CSMD3: variants seen among roughly 807,000 people sequenced by gnomAD.
The protein encoded by CSMD3 is CUB and sushi domain-containing protein 3.
In CSMD3, 177 loss-of-function variants were observed where a neutral mutation model predicts 435.2. The ratio of observed to expected loss-of-function variants is 0.41; its 90% CI spans 0.36 to 0.46. The LOEUF is 0.46. Among genes scored for constraint, CSMD3 ranks in the 20% least tolerant of loss-of-function variants. The pLI, the probability that CSMD3 is intolerant of heterozygous loss-of-function variation, is 0.34. For synonymous variants in CSMD3, 1,656 were observed against 1,520.5 expected (o/e 1.09, Z -2.07); for missense variants, 4,265 against 4,504.6 (o/e 0.95, Z 1.52).
At position 112,806,853 on chromosome 8, in the gene CSMD3, T is replaced by G. The variant is rs201378509; in HGVS notation, c.1860-6579A>C. 5.3e-5 allele frequency among the ~76,000 whole-genome samples: 8 copies of G among 152,354 alleles called. No individual in the cohort carries two copies. The East Asian group carries it at 1.5e-3, about 29-fold the overall frequency. On this transcript the variant is annotated intron_variant, in intron 12 of 70. Transcript: ENST00000297405. ...GAAAAAAGCCATTCTATGTTCTTCT[T>G]CTGTGCTCTCATAATGTGTAACCAT...
intron 1 of CSMD3, among the ~76,000 whole-genome samples, chr8:113,332,213 C>T (rs2094033117): frequency 6.6e-6 from 1 of 150,720 alleles, no homozygotes; most frequent in Non-Finnish European, 1.5e-5. Context: ...TACTTTACTG[C>T]TATAAAAATG....
At chr8:113,394,251 G>A (rs1345671341) in intron 1 of CSMD3, among the ~76,000 whole-genome samples, 1 of 151,730 alleles carries the variant, frequency 6.6e-6, no homozygotes, top group Non-Finnish European at 1.5e-5. Context: ...CAGGATTACT[G>A]TTTCCAGTAA....
At chr8:112,587,560 A>G (rs1563736390) in intron 22 of CSMD3, among the ~76,000 whole-genome samples, 1 of 151,846 alleles carries the variant, frequency 6.6e-6, no homozygotes, top group Non-Finnish European at 1.5e-5. Flanking sequence ...ATTTCTGATA[A>G]ATGTAATACA....
chr8:112,301,780 T>A lies in CSMD3; in HGVS notation c.8440+13A>T. The stretch of plus-strand genomic sequence containing the variant: ...AGGGGGAAGTTTGACAAAAACAAAT[T>A]AAAAATCTGTACCTAGGCATCTGGT... On this transcript the variant is annotated intron_variant, in intron 53 of 70. Coordinates refer to ENST00000297405, the MANE Select transcript of CSMD3 (RefSeq NM_198123.2). 1 of 1,611,036 alleles carries A rather than the reference T, an allele frequency of 6.2e-7. No homozygotes were observed. Among genetic ancestry groups the A allele is most frequent in the African/African-American group, 1.3e-5 (1 of 74,936 alleles).
At chr8:113,013,902 C>G (rs72683838) in intron 6 of CSMD3, among the ~76,000 whole-genome samples, 3,402 of 152,190 alleles carry the variant, frequency 0.022, 59 homozygotes, top group South Asian at 0.031. Flanking sequence ...AAATATTCAG[C>G]TAGTCACATG....
At chr8:112,330,104 T>C (rs1359185322) in intron 45 of CSMD3, among the ~76,000 whole-genome samples, 3 of 152,076 alleles carry the variant, frequency 2.0e-5, no homozygotes, top group Non-Finnish European at 4.4e-5. Context: ...TTAAAGGCAA[T>C]CGTGACTTAT....
chr8:112,309,478 C>A (rs1315342903), intron 50 of CSMD3, among the ~76,000 whole-genome samples: 1 of 151,610 alleles, frequency 6.6e-6, no homozygotes, highest in Non-Finnish European at 1.5e-5. Flanking sequence ...TCTTTTAATT[C>A]TATTATGAAA....
At chr8:113,330,558 T>C (rs1419939872) in intron 1 of CSMD3, among the ~76,000 whole-genome samples, 1 of 151,796 alleles carries the variant, frequency 6.6e-6, no homozygotes, top group Non-Finnish European at 1.5e-5. Flanking sequence ...ATATTTTAGG[T>C]ACAGAGGCAC....
At chr8:112,662,205 A>G (rs2075398750) in intron 17 of CSMD3, among the ~76,000 whole-genome samples, 1 of 152,128 alleles carries the variant, frequency 6.6e-6, no homozygotes, top group African/African-American at 2.4e-5. Context: ...AAAAGAGCCC[A>G]CATTTCCAAG....
intron 4 of CSMD3, among the ~76,000 whole-genome samples, chr8:113,109,644 G>A (rs757884845): frequency 1.3e-5 from 2 of 152,152 alleles, no homozygotes; most frequent in South Asian, 2.1e-4. Flanking sequence ...CCTTGCTCCC[G>A]TGACAGTTCT....
Position 113,359,046 on chromosome 8 carries a change from TA to T in CSMD3, c.179-44254del, listed in dbSNP as rs370756249. Among the ~76,000 whole-genome samples the T allele has an allele frequency of 5.1e-3, 757 of 149,462 alleles. 11 individuals carry two copies. The highest frequency in any genetic ancestry group is 0.017 in the African/African-American group (710 of 40,836). On this transcript the variant is annotated intron_variant, in intron 1 of 70. Coordinates refer to ENST00000297405, the MANE Select transcript of CSMD3 (RefSeq NM_198123.2). ...TTGATAAGCAATTTCCTCTCAATAG[TA>T]AAAAAAAAATCTGTGAATATAGTCC...
At chr8:113,255,169 T>C (rs1278752703) in intron 3 of CSMD3, among the ~76,000 whole-genome samples, 1 of 152,136 alleles carries the variant, frequency 6.6e-6, no homozygotes, top group Non-Finnish European at 1.5e-5. Flanking sequence ...TAATATTACC[T>C]TAGACTATCT....
At chr8:112,756,771 T>TA (rs2077709549) in intron 13 of CSMD3, among the ~76,000 whole-genome samples, 1 of 68,862 alleles carries the variant, frequency 1.5e-5, no homozygotes, top group African/African-American at 8.6e-5. Context: ...ATGTATTAAT[T>TA]TTTTTTTTTT....
chr8:112,516,897 C>T (rs1823723581), intron 28 of CSMD3, 137 bp downstream of exon 28: 1 of 675,748 alleles, frequency 1.5e-6, no homozygotes, highest in Non-Finnish European at 2.6e-6. Flanking sequence ...TTTGTACATT[C>T]TGCGGAGGTT....
At chr8:112,765,362 T>G (rs964581956) in intron 13 of CSMD3, among the ~76,000 whole-genome samples, 1 of 151,260 alleles carries the variant, frequency 6.6e-6, no homozygotes, top group Admixed American at 6.6e-5. Context: ...TTAGTGAGAG[T>G]CAATGCAGGA....
chr8:113,329,256 A>T (rs1401159400), intron 1 of CSMD3, among the ~76,000 whole-genome samples: 1 of 133,282 alleles, frequency 7.5e-6, no homozygotes, highest in East Asian at 2.2e-4. Context: ...AAAATGTACA[A>T]ATAATGTCTC....
intron 5 of CSMD3, among the ~76,000 whole-genome samples, chr8:113,070,241 C>A (rs1037694758): frequency 6.6e-6 from 1 of 151,996 alleles, no homozygotes; most frequent in African/African-American, 2.4e-5. Context: ...TACATAAATT[C>A]CACAGGCCAT....
At chr8:112,712,646 C>T (rs77810922) in intron 13 of CSMD3, among the ~76,000 whole-genome samples, 2 of 152,018 alleles carry the variant, frequency 1.3e-5, no homozygotes, top group Non-Finnish European at 2.9e-5. Context: ...TCTTAAGGAT[C>T]GAGGCATTAA....
intron 10 of CSMD3, among the ~76,000 whole-genome samples, chr8:112,906,029 T>C (rs2082252076): frequency 6.6e-6 from 1 of 151,362 alleles, no homozygotes; most frequent in Admixed American, 6.6e-5. Flanking sequence ...TGTGAATATA[T>C]AAAAAGAAGT....
Sources: allele counts gnomAD v4.1 joint callset (sites outside exome capture counted in the v4.1 genomes callset), GRCh38; gene constraint gnomAD v4.1.1; transcripts MANE v1.5; gene names NCBI Gene and HGNC (gene_info 2026-07-23, HGNC 2026-07-21).